The following ATP1B1 variants were observed in gnomAD, a reference collection of about 807,000 sequenced individuals.
The protein encoded by ATP1B1 is ATPase Na+/K+ transporting subunit beta 1, also known as sodium/potassium-transporting ATPase subunit beta-1.
In ATP1B1, 3 loss-of-function variants were observed where a neutral mutation model predicts 39.6. The ratio of observed to expected loss-of-function variants is 0.08; its 90% CI spans 0.03 to 0.20. The LOEUF (loss-of-function observed/expected upper bound fraction) is 0.20, where lower values mean the gene tolerates loss of function less well. Ranked by LOEUF, ATP1B1 falls within the 10% of genes least tolerant of loss-of-function variation. ATP1B1 has a pLI of 1.00. For synonymous variants in ATP1B1, 139 were observed against 135.0 expected (o/e 1.03, Z -0.20); for missense variants, 216 against 371.1 (o/e 0.58, Z 3.43).
chr1:169,125,131 T>G (rs1274989175), intron 3 of ATP1B1, 92 bp downstream of exon 3: 4 of 1,428,776 alleles, frequency 2.8e-6, no homozygotes, highest in Non-Finnish European at 3.8e-6. Context: ...GATCGAGAGA[T>G]AATCCTGAAA....
chr1:169,109,279 A>T (rs148341637), intron 1 of ATP1B1, among the ~76,000 whole-genome samples: 201 of 152,200 alleles, frequency 1.3e-3, no homozygotes, highest in Non-Finnish European at 2.4e-3. Flanking sequence ...TTTTTTTTAA[A>T]AGAAGAAAAA....
chr1:169,131,320 A>G lies in ATP1B1; in HGVS notation c.677A>G (p.Asn226Ser). Residue 226 changes from asparagine to serine, a missense_variant, in exon 6 of 6, where the codon AAT (asparagine) becomes AGT (serine). Coordinates refer to ENST00000367815, the MANE Select transcript of ATP1B1 (RefSeq NM_001677.4). The surrounding 1 kb of genome is among the most constrained non-coding windows in gnomAD (Gnocchi z 4.4). ...GATGAAGATAAGGATAAAGTTGGAA[A>G]TGTGGAGTATTTTGGACTGGGCAAC... ...KRDEDKDKVG[N>S]VEYFGLGNSP... 1 of 1,613,768 alleles carries G rather than the reference A, an allele frequency of 6.2e-7. No homozygotes were observed. Among genetic ancestry groups the G allele is most frequent in the Non-Finnish European group, 8.5e-7 (1 of 1,179,886 alleles).
At chr1:169,110,769 G>A in intron 1 of ATP1B1, 1 of 1,019,794 alleles carries the variant, frequency 9.8e-7, no homozygotes, top group South Asian at 1.4e-5. Flanking sequence ...AGGGGAAAGA[G>A]TGTGCTTTGT....
intron 2 of ATP1B1, among the ~76,000 whole-genome samples, chr1:169,119,046 C>A (rs965519533): frequency 6.6e-6 from 1 of 152,128 alleles, no homozygotes; most frequent in Non-Finnish European, 1.5e-5. Flanking sequence ...AAACAAAATC[C>A]TTTCCCTCAA....
Position 169,125,029 on chromosome 1 carries a change from A to G in ATP1B1, c.372A>G (p.Glu124=). The G allele has an allele frequency of 6.2e-7, 1 of 1,611,920 alleles. No individual in the cohort carries two copies. Among genetic ancestry groups the G allele is most frequent in the African/African-American group, 1.3e-5 (1 of 74,944 alleles). ...CCCAGAGGGATGACATGATTTTTGA[A>G]GATTGTGGCGGTAAGTAGACTCATT... ...DSAQRDDMIF[E]DCGDVPSEPK... Residue 124 remains glutamate, a synonymous_variant, in exon 3 of 6, where the codon GAA becomes GAG. Transcript: ENST00000367815.
At chr1:169,120,119 A>C (rs1185134640) in intron 2 of ATP1B1, among the ~76,000 whole-genome samples, 3 of 152,136 alleles carry the variant, frequency 2.0e-5, no homozygotes, top group African/African-American at 7.2e-5. Flanking sequence ...GCTTCGGATA[A>C]AGAAAAGAGA....
At chr1:169,126,692 C>T (rs967285384) in intron 3 of ATP1B1, among the ~76,000 whole-genome samples, 6 of 151,990 alleles carry the variant, frequency 3.9e-5, no homozygotes, top group Admixed American at 1.3e-4. Context: ...ACCTAGGCCA[C>T]GGAGTGAGAC....
At position 169,131,388 on chromosome 1, in the gene ATP1B1, C is replaced by T; in HGVS notation, c.745C>T (p.Leu249Phe). Residue 249 changes from leucine to phenylalanine, a missense_variant, in exon 6 of 6, where the codon CTC becomes TTC. By Grantham distance (22) the Leu-to-Phe change is conservative. Transcript: ENST00000367815. This position sits in a 1 kb window ranked among gnomAD's most constrained non-coding sequence, Gnocchi z 4.4. Reference sequence around the variant, plus strand: ...GCAGTATTATCCGTACTATGGCAAACTCCTGCAGCCCAAATACCTGCAGCC... The same window carrying T: ...GCAGTATTATCCGTACTATGGCAAATTCCTGCAGCCCAAATACCTGCAGCC... Reference protein sequence around the residue: ...PLQYYPYYGKLLQPKYLQPLL... With the variant: ...PLQYYPYYGKFLQPKYLQPLL... The T allele has an allele frequency of 1.9e-6, 3 of 1,614,252 alleles. No homozygotes were observed. Among genetic ancestry groups the T allele is most frequent in the Non-Finnish European group, 2.5e-6 (3 of 1,180,044 alleles).
rs1658229687 is a variant in ATP1B1, at chr1:169,131,904, T to G, written c.*349T>G. The G allele has an allele frequency of 5.8e-6, 2 of 342,568 alleles. No individual in the cohort carries two copies. The highest frequency in any genetic ancestry group is 1.1e-5 in the Non-Finnish European group (2 of 185,882). 21.2% of individuals were successfully genotyped at this position (342,568 alleles called of 1,614,324 possible). A position where few individuals can be genotyped will look rare whatever the true frequency, so the allele number is the denominator to read the frequency against. On this transcript the variant is annotated 3_prime_UTR_variant, in exon 6 of 6. Transcript: ENST00000367815. This position sits in a 1 kb window ranked among gnomAD's most constrained non-coding sequence, Gnocchi z 4.4. ...TTTATTTAGTGTACAGTACTACAGG[T>G]GCATACTCTGGTCATTTTTCAAGCC...
intron 2 of ATP1B1, among the ~76,000 whole-genome samples, chr1:169,116,951 A>G (rs1447738765): frequency 6.6e-6 from 1 of 152,162 alleles, no homozygotes; most frequent in Non-Finnish European, 1.5e-5. Flanking sequence ...CTGAGAAGTC[A>G]TTATGTCAGT....
intron 2 of ATP1B1, among the ~76,000 whole-genome samples, chr1:169,124,498 A>G (rs1014974638): frequency 6.6e-6 from 1 of 152,176 alleles, no homozygotes; most frequent in Non-Finnish European, 1.5e-5. Flanking sequence ...ATTTTAAAAA[A>G]CTGTGCACGT....
intron 2 of ATP1B1, among the ~76,000 whole-genome samples, chr1:169,115,514 A>G (rs1216047523): frequency 4.0e-5 from 6 of 151,658 alleles, no homozygotes; most frequent in Non-Finnish European, 8.8e-5. Flanking sequence ...ATGCCCAGCT[A>G]ATTTTTGTAT....
In ATP1B1 at chr1:169,130,108, G is replaced by A. The variant is rs1307066198; in HGVS notation, c.648+18G>A. 9 of 1,610,190 alleles carry A rather than the reference G, an allele frequency of 5.6e-6. No homozygotes were observed. The Admixed American group carries it at 8.3e-5, about 15-fold the overall frequency. ...CTGGCAAGGTAAAGACAAATTTAGG[G>A]TTACTGGGGTGGTGGAAGGGTAGGC... On this transcript the variant is annotated intron_variant, in intron 5 of 5. Transcript: ENST00000367815.
intron 2 of ATP1B1, among the ~76,000 whole-genome samples, chr1:169,114,615 TGAGAG>T (rs879650995): frequency 3.5e-4 from 54 of 152,280 alleles, no homozygotes; most frequent in Non-Finnish European, 6.5e-4. Context: ...ACATGAAATC[TGAGAG>T]GAGAGACTAA....
At chr1:169,123,897 G>C (rs1658036591) in intron 2 of ATP1B1, among the ~76,000 whole-genome samples, 1 of 152,166 alleles carries the variant, frequency 6.6e-6, no homozygotes, top group Non-Finnish European at 1.5e-5. Flanking sequence ...AAAGTGTTGG[G>C]ATTATAGGCG....
chr1:169,132,429 T>C lies in ATP1B1; in HGVS notation c.*874T>C, dbSNP rs1658257234. On this transcript the variant is annotated 3_prime_UTR_variant, in exon 6 of 6. Transcript: ENST00000367815. ...GCTGGTGCTGTGTCTTTATGAATGT[T>C]TTAACCATTTTCATGGTGGAAGAAT... The C allele has an allele frequency of 2.3e-6, 1 of 432,550 alleles. No individual in the cohort carries two copies. Among genetic ancestry groups the C allele is most frequent in the East Asian group, 3.5e-5 (1 of 28,412 alleles). 26.8% of individuals were successfully genotyped at this position (432,550 alleles called of 1,614,324 possible). A position where few individuals can be genotyped will look rare whatever the true frequency, so the allele number is the denominator to read the frequency against.
chr1:169,109,813 C>T (rs899291082), intron 1 of ATP1B1, among the ~76,000 whole-genome samples: 3 of 152,014 alleles, frequency 2.0e-5, no homozygotes, highest in South Asian at 2.1e-4. Context: ...ATCAGGGCTA[C>T]GATAGCTGCC....
intron 1 of ATP1B1, chr1:169,110,619 GTCTTGT>G: frequency 1.1e-6 from 1 of 880,158 alleles, no homozygotes; most frequent in Non-Finnish European, 1.4e-6. Flanking sequence ...CCATCCTGTT[GTCTTGT>G]TAACTATGGG....
chr1:169,114,944 C>T (rs757238196), intron 2 of ATP1B1, among the ~76,000 whole-genome samples: 5 of 151,690 alleles, frequency 3.3e-5, no homozygotes, highest in African/African-American at 4.9e-5. Context: ...GTAATCCCAG[C>T]ACTTCCGAGG....
Sources: gnomAD v4.1 joint callset for allele counts (sites outside exome capture counted in the v4.1 genomes callset) on GRCh38, gnomAD v4.1.1 for gene constraint, Gnocchi (gnomAD v3.1) non-coding constraint, MANE v1.5 for transcripts, NCBI Gene and HGNC (gene_info 2026-07-23, HGNC 2026-07-21) for gene names.